NARF: variants seen among roughly 807,000 people sequenced by gnomAD.
The protein encoded by NARF is iron-only hydrogenase-like protein 2.
NARF carries 41 observed loss-of-function variants against 48.0 expected under a neutral mutation model. That is an observed-to-expected ratio of 0.85 (90% CI 0.66 to 1.11). The LOEUF is 1.11. Ranked by LOEUF, NARF falls within the 50% of genes least tolerant of loss-of-function variation. NARF has a pLI of 0.00. For synonymous variants in NARF, 215 were observed against 225.5 expected, an observed-to-expected ratio of 0.95 and a Z score of 0.42; for missense variants, 613 against 590.2, an observed-to-expected ratio of 1.04 and a Z score of -0.40.
intron 4 of NARF, 66 bp from the exon 5 acceptor site, chr17:82,472,498 A>AT: frequency 6.8e-7 from 1 of 1,480,328 alleles, no homozygotes; most frequent in Non-Finnish European, 9.0e-7. Flanking sequence ...AAAAAAAAAA[A>AT]GAGGAAGCCT....
At chr17:82,458,527 C>T (rs1253625191), upstream of NARF, 3 of 396,848 alleles carry the variant, frequency 7.6e-6, no homozygotes, top group Non-Finnish European at 4.4e-6. Flanking sequence ...AGTGAGCCTG[C>T]GGTCCGCCCC....
chr17:82,483,344 T>C, intron 7 of NARF: 1 of 314,658 alleles, frequency 3.2e-6, no homozygotes, highest in African/African-American at 2.3e-5. Flanking sequence ...GCAACCAGTG[T>C]ATATTTCATC....
chr17:82,480,938 AAAAAAAAAAAAG>A, intron 6 of NARF, 132 bp from the exon 7 acceptor site: 1 of 1,067,216 alleles, frequency 9.4e-7, no homozygotes, highest in Admixed American at 2.8e-5. Flanking sequence ...TTCAAAAAAA[AAAAAAAAAAAAG>A]AGTGCAGCAT....
chr17:82,474,562 G>A lies in NARF; in HGVS notation c.520+1864G>A, dbSNP rs375878078. ...TAGGAGAGCTCTATCTAAGCTAGTC[G>A]TAGGCTGTATAATTTTTAGGGTTTG... is the stretch of plus-strand genomic sequence containing the variant. On this transcript the variant is annotated intron_variant, in intron 5 of 10. Transcript: ENST00000309794. Among the ~76,000 whole-genome samples the A allele has an allele frequency of 2.6e-4, 39 of 152,292 alleles. 2 individuals carry two copies. The Middle Eastern group carries it at 0.02, about 80-fold the overall frequency.
chr17:82,466,677 T>C (rs991677291), intron 3 of NARF, among the ~76,000 whole-genome samples: 12 of 152,154 alleles, frequency 7.9e-5, no homozygotes, highest in Non-Finnish European at 1.6e-4. Flanking sequence ...GGTCTCGAAC[T>C]CCTGACCTCA....
rs1006637708 is a variant in NARF at position 82,460,068 on chromosome 17, G to C, written c.104G>C (p.Gly35Ala). The change falls in exon 2 of 11, where the codon GGA becomes GCA. Residue 35 changes from glycine to alanine, a missense_variant. Gly to Ala is a moderately conservative substitution (Grantham distance 60). Coordinates refer to ENST00000309794, the MANE Select transcript of NARF (RefSeq NM_012336.4). The part of the protein sequence containing the change: ...ADAPSPAQEN[G>A]EKGEFHKLAD... ...GCACCGAGTCCAGCCCAGGAAAATGGAGAGGCAAGTAGATTTTTCAGTTTT... is the reference window on the plus strand; with the variant it reads ...GCACCGAGTCCAGCCCAGGAAAATGCAGAGGCAAGTAGATTTTTCAGTTTT... 1.2e-6 allele frequency: 2 copies of C among 1,613,424 alleles called. No individual in the cohort carries two copies. The highest frequency in any genetic ancestry group is 2.7e-5 in the African/African-American group (2 of 74,894).
chr17:82,460,113 T>G (rs1339803772), intron 2 of NARF, 41 bp downstream of exon 2: 1 of 1,538,850 alleles, frequency 6.5e-7, no homozygotes, highest in Admixed American at 1.7e-5. Context: ...CAGAGTAAAC[T>G]ACTGCTGCTG....
intron 5 of NARF, among the ~76,000 whole-genome samples, chr17:82,474,105 A>C (rs1195469415): frequency 6.6e-6 from 1 of 152,162 alleles, no homozygotes; most frequent in Non-Finnish European, 1.5e-5. Flanking sequence ...TGTTTGAGCC[A>C]AGGAGTTAGA....
chr17:82,481,831 G>T (rs1467290630), intron 7 of NARF: 1 of 391,848 alleles, frequency 2.6e-6, no homozygotes, highest in Non-Finnish European at 4.9e-6. Context: ...CTTATCTCTT[G>T]GTGGGAAAGT....
At chr17:82,474,401 G>C (rs576627504) in intron 5 of NARF, among the ~76,000 whole-genome samples, 1 of 152,192 alleles carries the variant, frequency 6.6e-6, no homozygotes, top group Non-Finnish European at 1.5e-5. Context: ...TTTGTCACAT[G>C]CTTTTCAATT....
At position 82,478,925 on chromosome 17, in the gene NARF, T is replaced by C; in HGVS notation, c.639+7T>C. The C allele has an allele frequency of 1.2e-6, 2 of 1,611,838 alleles. No individual in the cohort carries two copies. Among genetic ancestry groups the C allele is most frequent in the Middle Eastern group, 1.7e-4 (1 of 6,048 alleles). On this transcript the variant is annotated splice_region_variant and intron_variant, in intron 6 of 10. Transcript: ENST00000309794. ...TTATTTCGCCAGACAGCAGGTAAGC[T>C]GACCTCTCTGGAGGGCAGGAAGGGC...
At chr17:82,478,688 G>A (rs747072311) in intron 5 of NARF, 112 bp from the exon 6 acceptor site, 39 of 1,114,048 alleles carry the variant, frequency 3.5e-5, no homozygotes, top group Middle Eastern at 3.9e-4. Flanking sequence ...GGGAAAAGGT[G>A]TTCTGGCTTC....
At chr17:82,483,524 T>C (rs1377422066) in intron 7 of NARF, 192 bp from the exon 8 acceptor site, 2 of 562,348 alleles carry the variant, frequency 3.6e-6, no homozygotes, top group South Asian at 2.1e-5. Context: ...TAGAATTGAA[T>C]TCTGCTTACG....
At chr17:82,484,615 C>T in intron 8 of NARF, 198 bp from the exon 9 acceptor site, 1 of 532,194 alleles carries the variant, frequency 1.9e-6, no homozygotes. Context: ...CTCCGCCTTG[C>T]CCGAGCATCA....
chr17:82,470,736 T>C (rs1200445471), intron 4 of NARF, among the ~76,000 whole-genome samples: 2 of 152,074 alleles, frequency 1.3e-5, no homozygotes, highest in Admixed American at 6.6e-5. Flanking sequence ...CCTCATGATC[T>C]AACCGCCTTG....
chr17:82,464,172 C>T, intron 2 of NARF, 115 bp from the exon 3 acceptor site: 1 of 1,390,278 alleles, frequency 7.2e-7, no homozygotes, highest in Non-Finnish European at 9.8e-7. Context: ...AGGCCTGGAC[C>T]CTGGTATTAT....
At chr17:82,461,566 A>G (rs1451548456) in intron 2 of NARF, among the ~76,000 whole-genome samples, 1 of 152,174 alleles carries the variant, frequency 6.6e-6, no homozygotes, top group Non-Finnish European at 1.5e-5. Flanking sequence ...AGCCGAGATC[A>G]CGCCACTGCA....
In NARF at chr17:82,458,815, G is replaced by A; in HGVS notation, c.12G>A (p.Glu4=). The change falls in exon 1 of 11, where the codon GAG becomes GAA. Residue 4 remains glutamate (E), a synonymous_variant. Coordinates refer to ENST00000309794, the MANE Select transcript of NARF (RefSeq NM_012336.4). The part of the protein sequence containing the change: MKC[E]HCTRKECSKK... ...CCGCCGCGCTCCAGATGAAGTGTGA[G>A]CACTGCACGCGCAAGGTGAGCGCCG... 7.0e-7 allele frequency: 1 copy of A among 1,436,452 alleles called. No homozygotes were observed. The highest frequency in any genetic ancestry group is 9.1e-7 in the Non-Finnish European group (1 of 1,099,476). 89.0% of individuals were successfully genotyped at this position (1,436,452 alleles called of 1,614,324 possible).
intron 4 of NARF, among the ~76,000 whole-genome samples, chr17:82,471,009 A>G (rs1349200680): frequency 6.6e-6 from 1 of 151,716 alleles, no homozygotes; most frequent in Non-Finnish European, 1.5e-5. Flanking sequence ...CTAAAAATAC[A>G]AAAATTAGCC....
Sources: gnomAD v4.1 joint callset for allele counts (sites outside exome capture counted in the v4.1 genomes callset) on GRCh38, gnomAD v4.1.1 for gene constraint, MANE v1.5 for transcripts, NCBI Gene and HGNC (gene_info 2026-07-23, HGNC 2026-07-21) for gene names.